DGKB: variants seen among roughly 807,000 people sequenced by gnomAD.
The protein encoded by DGKB is diacylglycerol kinase beta, also known as 90 kDa diacylglycerol kinase.
DGKB carries 67 observed loss-of-function variants against 114.3 expected under a neutral mutation model. That is an observed-to-expected ratio of 0.59 (90% CI 0.48 to 0.72). The LOEUF (loss-of-function observed/expected upper bound fraction) is 0.72, where lower values mean the gene tolerates loss of function less well. DGKB is among the 30% of genes least tolerant of loss of function. The pLI is 0.00. For synonymous variants in DGKB, 398 were observed against 323.1 expected (o/e 1.23, Z -2.49); for missense variants, 907 against 975.2 (o/e 0.93, Z 0.93).
At chr7:14,470,714 C>T (rs1380440433) in intron 21 of DGKB, among the ~76,000 whole-genome samples, 1 of 151,670 alleles carries the variant, frequency 6.6e-6, no homozygotes, top group Non-Finnish European at 1.5e-5. Context: ...GTAAGATACA[C>T]ATTTAAGAGA....
intron 2 of DGKB, among the ~76,000 whole-genome samples, chr7:14,786,834 C>T (rs1338597954): frequency 6.6e-6 from 1 of 152,208 alleles, no homozygotes; most frequent in African/African-American, 2.4e-5. Flanking sequence ...TCGGCATAGG[C>T]CCGCAGGTGC....
chr7:14,365,068 C>T (rs968561701), intron 21 of DGKB, among the ~76,000 whole-genome samples: 5 of 151,526 alleles, frequency 3.3e-5, no homozygotes, highest in Admixed American at 6.6e-5. Flanking sequence ...TGGTTTTTTA[C>T]GTCCTCCTAG....
chr7:14,437,265 A>T (rs902480544), intron 21 of DGKB, among the ~76,000 whole-genome samples: 3 of 148,342 alleles, frequency 2.0e-5, no homozygotes, highest in Non-Finnish European at 3.0e-5. Flanking sequence ...GGTAGAGTTT[A>T]TTAATTTAGT....
intron 23 of DGKB, among the ~76,000 whole-genome samples, chr7:14,304,128 A>C: frequency 6.8e-6 from 1 of 147,384 alleles, no homozygotes; most frequent in African/African-American, 2.5e-5. Context: ...AGGAGGTTGC[A>C]ACACTTTTTC....
chr7:14,402,875 C>A (rs1420888624), intron 21 of DGKB, among the ~76,000 whole-genome samples: 1 of 151,908 alleles, frequency 6.6e-6, no homozygotes, highest in Non-Finnish European at 1.5e-5. Context: ...AGGCTCCAGA[C>A]TGTAACCTGA....
At chr7:14,517,914 A>G (rs1270007499) in intron 20 of DGKB, among the ~76,000 whole-genome samples, 3 of 152,188 alleles carry the variant, frequency 2.0e-5, no homozygotes, top group Non-Finnish European at 4.4e-5. Flanking sequence ...AATTTCTAAA[A>G]GAACTTAAAG....
intron 17 of DGKB, among the ~76,000 whole-genome samples, chr7:14,605,201 GC>G (rs1804257354): frequency 6.6e-6 from 1 of 151,948 alleles, no homozygotes; most frequent in Non-Finnish European, 1.5e-5. Context: ...GGAATATCAT[GC>G]AGCAGTTAGA....
intron 21 of DGKB, among the ~76,000 whole-genome samples, chr7:14,443,002 A>G (rs1251510408): frequency 6.6e-6 from 1 of 152,166 alleles, no homozygotes; most frequent in Non-Finnish European, 1.5e-5. Context: ...CTTGAAACAT[A>G]GCATCACTTA....
chr7:14,219,830 T>G (rs1251002448), intron 23 of DGKB, among the ~76,000 whole-genome samples: 34 of 151,798 alleles, frequency 2.2e-4, no homozygotes, highest in Admixed American at 2.2e-3. Context: ...TGGCATCATA[T>G]ATGAGAATCC....
chr7:14,499,629 C>T (rs1000808433), intron 20 of DGKB, among the ~76,000 whole-genome samples: 7 of 151,684 alleles, frequency 4.6e-5, no homozygotes, highest in African/African-American at 1.7e-4. Flanking sequence ...TTTTTACAAG[C>T]AAGGAAACTG....
chr7:14,533,252 G>A (rs1453048370), intron 20 of DGKB, among the ~76,000 whole-genome samples: 1 of 151,748 alleles, frequency 6.6e-6, no homozygotes, highest in Admixed American at 6.6e-5. Flanking sequence ...AGTAGACTCA[G>A]TCAATAGTAG....
intron 1 of DGKB, among the ~76,000 whole-genome samples, chr7:14,955,384 T>C (rs1360344398): frequency 6.6e-6 from 1 of 152,012 alleles, no homozygotes; most frequent in East Asian, 1.9e-4. Context: ...CTCTCTTTTT[T>C]CTCTTATCGT....
At chr7:14,820,444 T>G (rs981983033) in intron 2 of DGKB, among the ~76,000 whole-genome samples, 2 of 152,186 alleles carry the variant, frequency 1.3e-5, no homozygotes, top group Admixed American at 1.3e-4. Context: ...GCAATGGTAT[T>G]CTGCAGTGCC....
chr7:14,719,116 C>A (rs561064234), intron 5 of DGKB, among the ~76,000 whole-genome samples: 1 of 152,146 alleles, frequency 6.6e-6, no homozygotes, highest in Non-Finnish European at 1.5e-5. Context: ...TTTCTCTATT[C>A]ATAATAAGTA....
chr7:14,692,962 C>T (rs1823140390), intron 9 of DGKB, among the ~76,000 whole-genome samples: 1 of 152,092 alleles, frequency 6.6e-6, no homozygotes, highest in African/African-American at 2.4e-5. Flanking sequence ...TTTATATATT[C>T]CTAAACCCAT....
At chr7:14,934,705 A>G (rs1785189658) in intron 1 of DGKB, among the ~76,000 whole-genome samples, 1 of 152,206 alleles carries the variant, frequency 6.6e-6, no homozygotes, top group Non-Finnish European at 1.5e-5. Context: ...ATTAAAATGC[A>G]AAGAAGGGTA....
At chr7:14,398,219 G>A (rs1583641301) in intron 21 of DGKB, among the ~76,000 whole-genome samples, 1 of 152,008 alleles carries the variant, frequency 6.6e-6, no homozygotes, top group African/African-American at 2.4e-5. Context: ...GAAATGCCAA[G>A]TTTTACAGTA....
intron 1 of DGKB, among the ~76,000 whole-genome samples, chr7:14,893,739 C>A (rs1781667418): frequency 6.6e-6 from 1 of 151,308 alleles, no homozygotes; most frequent in South Asian, 2.1e-4. Flanking sequence ...ATTTTCCCCT[C>A]TTGAGTAAAT....
At chr7:14,940,279 AAG>A (rs1251830664) in intron 1 of DGKB, among the ~76,000 whole-genome samples, 2 of 152,112 alleles carry the variant, frequency 1.3e-5, no homozygotes, top group Non-Finnish European at 2.9e-5. Flanking sequence ...TTTAATCTCA[AAG>A]AGGGAATGTA....
Sources: gnomAD v4.1 joint callset for allele counts (sites outside exome capture counted in the v4.1 genomes callset) on GRCh38, gnomAD v4.1.1 for gene constraint, MANE v1.5 for transcripts, NCBI Gene and HGNC (gene_info 2026-07-23, HGNC 2026-07-21) for gene names.